Variants in UMOD observed in about 807,000 individuals in gnomAD.
The protein encoded by UMOD is Tamm-Horsfall urinary glycoprotein.
In UMOD, 64 loss-of-function variants were observed where a neutral mutation model predicts 66.0. The ratio of observed to expected loss-of-function variants is 0.97; its 90% CI spans 0.79 to 1.19. UMOD has a LOEUF of 1.19. UMOD is among the 50% of genes most tolerant of loss of function. The probability of loss-of-function intolerance (pLI) is 0.00; values close to 1 mark genes in which losing one functional copy is unlikely to be tolerated. For missense variants in UMOD, 764 were observed against 850.9 expected, an observed-to-expected ratio of 0.90 and a Z score of 1.27; for synonymous variants, 398 against 352.7, an observed-to-expected ratio of 1.13 and a Z score of -1.44.
Position 20,336,679 on chromosome 16 carries a change from G to T in UMOD, c.1789C>A (p.Arg597Ser). 1.2e-6 allele frequency: 2 copies of T among 1,614,108 alleles called. No individual in the cohort carries two copies. The highest frequency in any genetic ancestry group is 1.7e-6 in the Non-Finnish European group (2 of 1,179,990). The change falls in exon 9 of 11, where the codon CGT becomes AGT. Residue 597 changes from arginine to serine, a missense_variant. Transcript: ENST00000396138. Reference protein sequence around the residue: ...FRSGSVIDQSRVLNLGPITRK... With the variant: ...FRSGSVIDQSSVLNLGPITRK... The stretch of plus-strand genomic sequence containing the variant: ...GTGATGGGACCCAAGTTCAGGACAC[G>T]GGATTGATCTATGACACTCCCACTT...
intron 10 of UMOD, among the ~76,000 whole-genome samples, chr16:20,333,744 G>A (rs1382279454): frequency 2.0e-5 from 3 of 152,124 alleles, no homozygotes; most frequent in Admixed American, 6.6e-5. Context: ...CAGGTCAAAT[G>A]CCCGGTTAGC....
At chr16:20,354,449 A>T (rs1213575755), upstream of UMOD, among the ~76,000 whole-genome samples, 2 of 152,346 alleles carry the variant, frequency 1.3e-5, no homozygotes, top group Admixed American at 1.3e-4. Context: ...CTTTGCCAAA[A>T]GGATAAGTGG....
chr16:20,335,453 G>T (rs377414704), intron 10 of UMOD, 29 bp downstream of exon 10: 8 of 1,612,782 alleles, frequency 5.0e-6, no homozygotes, highest in Non-Finnish European at 6.8e-6. Context: ...TCTGGAACAG[G>T]TCCCACTGCA....
intron 5 of UMOD, among the ~76,000 whole-genome samples, 164 bp from the exon 6 acceptor site, chr16:20,344,336 C>T (rs776979525): frequency 6.6e-6 from 1 of 152,154 alleles, no homozygotes; most frequent in Non-Finnish European, 1.5e-5. Flanking sequence ...GGCGCATTAG[C>T]TCACGCTTGT....
At chr16:20,349,860 T>C in intron 2 of UMOD, 1 of 1,541,710 alleles carries the variant, frequency 6.5e-7, no homozygotes, top group Non-Finnish European at 8.7e-7. Context: ...TGGGCAGTTG[T>C]ACTTTGTTCC....
upstream of UMOD, among the ~76,000 whole-genome samples, chr16:20,356,024 G>A (rs1966024495): frequency 6.6e-6 from 1 of 152,164 alleles, no homozygotes; most frequent in African/African-American, 2.4e-5. Context: ...AAGGATAAGT[G>A]GTTTTAGGTA....
chr16:20,355,367 C>T (rs1440730763), upstream of UMOD, among the ~76,000 whole-genome samples: 7 of 151,596 alleles, frequency 4.6e-5, no homozygotes, highest in East Asian at 1.9e-4. Context: ...CTCAGCACTT[C>T]GCTCTTGAAA....
At chr16:20,337,954 G>A (rs56210020) in intron 7 of UMOD, among the ~76,000 whole-genome samples, 2,455 of 152,214 alleles carry the variant, frequency 0.016, 62 homozygotes, top group African/African-American at 0.057. Context: ...GGAGAAACCC[G>A]AAATAGAGCA....
intron 5 of UMOD, among the ~76,000 whole-genome samples, chr16:20,345,220 G>T (rs1277388937): frequency 6.6e-6 from 1 of 151,992 alleles, no homozygotes; most frequent in African/African-American, 2.4e-5. Flanking sequence ...CTCTGTGTTG[G>T]CCAGGCTGGT....
chr16:20,351,371 A>AT (rs1402351847), intron 1 of UMOD: 1 of 167,830 alleles, frequency 6.0e-6, no homozygotes, highest in African/African-American at 2.4e-5. Flanking sequence ...ATGCATTTAA[A>AT]TGTTTCTGGA....
chr16:20,341,104 T>C lies in UMOD; in HGVS notation c.1564A>G (p.Ile522Val), dbSNP rs552891536. ...SNATDPLKYF[I>V]IQDRCPHTRD... Reference sequence around the variant, plus strand: ...CCTTTGCCTTACCTGTCCTGGATGATGAAGTACTTCAGGGGGTCCGTGGCA... The same window carrying C: ...CCTTTGCCTTACCTGTCCTGGATGACGAAGTACTTCAGGGGGTCCGTGGCA... The change falls in exon 7 of 11, where the codon ATC becomes GTC. Residue 522 changes from isoleucine to valine, a missense_variant. Physicochemically the swap from Ile to Val is conservative, Grantham distance 29. Transcript: ENST00000396138. The C allele has an allele frequency of 3.7e-6, 6 of 1,614,066 alleles. No individual in the cohort carries two copies. The South Asian group carries it at 6.6e-5, about 18-fold the overall frequency.
rs766780246 is a variant in UMOD, at chr16:20,333,335, G to C, written c.1902C>G (p.Thr634=). 1 of 1,613,324 alleles carries C rather than the reference G, an allele frequency of 6.2e-7. No homozygotes were observed. Among genetic ancestry groups the C allele is most frequent in the Middle Eastern group, 1.7e-4 (1 of 5,872 alleles). Residue 634 remains threonine, a synonymous_variant, in exon 11 of 11, where the codon ACC becomes ACG. Transcript: ENST00000396138. ...TCAGTCACTGAAAAGTCAGGGTCAA[G>C]GTGGCCGAGAGAAGCAGAGGCAGCC... ...KVWLPLLLSA[T]LTLTFQ is the part of the protein sequence containing the mutation.
At position 20,348,238 on chromosome 16, in the gene UMOD, C is replaced by T; in HGVS notation, c.958G>A (p.Asp320Asn). Residue 320 changes from aspartate to asparagine, a missense_variant, in exon 4 of 11, where the codon GAC (aspartate) becomes AAC (asparagine). Transcript: ENST00000396138. ...NGRWHCQCKQDFNITDISLLE... is the reference protein window; with the variant it reads ...NGRWHCQCKQNFNITDISLLE... ...CTGGCCTCACCAGTGATGTTGAAGTCCTGTTTGCACTGGCAGTGCCATCTG... is the reference window on the plus strand; with the variant it reads ...CTGGCCTCACCAGTGATGTTGAAGTTCTGTTTGCACTGGCAGTGCCATCTG... 6.2e-7 allele frequency: 1 copy of T among 1,614,128 alleles called. No individual in the cohort carries two copies. Among genetic ancestry groups the T allele is most frequent in the Non-Finnish European group, 8.5e-7 (1 of 1,180,038 alleles).
At chr16:20,344,276 ACTTGTGAGCCGCTCTC>A in intron 5 of UMOD, 104 bp from the exon 6 acceptor site, 3 of 1,171,314 alleles carry the variant, frequency 2.6e-6, no homozygotes. Context: ...ATGTCTGGCT[ACTTGTGAGCCGCTCTC>A]CTAGTCTCCT....
chr16:20,350,773 G>T lies in UMOD; in HGVS notation c.-36C>A, dbSNP rs543136670. On this transcript the variant is annotated 5_prime_UTR_variant, in exon 2 of 11. Transcript: ENST00000396138. ...CTTCCCGCTACTTCAGGTCTAGATA[G>T]CACCTGCCCAAAGGAAAGACGGGTT... The T allele has an allele frequency of 3.2e-5, 52 of 1,613,918 alleles. 1 individual carries two copies. The South Asian group carries it at 5.7e-4, about 18-fold the overall frequency.
rs778664891 is a variant in UMOD, at chr16:20,344,037, G to C, written c.1318C>G (p.Gln440Glu). 1.1e-5 allele frequency: 18 copies of C among 1,613,706 alleles called. No individual in the cohort carries two copies. The highest frequency in any genetic ancestry group is 1.1e-4 in the South Asian group (10 of 91,054). The change falls in exon 6 of 11, where the codon CAG becomes GAG. Residue 440 changes from glutamine (Q) to glutamate (E), a missense_variant. Transcript: ENST00000396138. ...DMKVSLKTAL[Q>E]PMVSALNIRV... ...CTCTGGCCACACCTGACCATTGGCT[G>C]TAGGGCGGTCTTCAGGCTGACTTTC... is the stretch of plus-strand genomic sequence containing the variant.
At chr16:20,345,471 C>A (rs1965512573) in intron 5 of UMOD, among the ~76,000 whole-genome samples, 1 of 66,944 alleles carries the variant, frequency 1.5e-5, no homozygotes. Context: ...TCCTTCCTTC[C>A]TTCCTTCCTT....
intron 1 of UMOD, among the ~76,000 whole-genome samples, chr16:20,352,356 A>G (rs1240185198): frequency 2.0e-5 from 3 of 152,168 alleles, no homozygotes; most frequent in Non-Finnish European, 4.4e-5. Flanking sequence ...AACACTGCAT[A>G]TTGTCACTGG....
intron 4 of UMOD, among the ~76,000 whole-genome samples, chr16:20,347,418 A>C (rs1303583801): frequency 6.6e-6 from 1 of 152,254 alleles, no homozygotes; most frequent in Non-Finnish European, 1.5e-5. Context: ...TTTTTTAAAA[A>C]TTGAAGTATT....
Sources: allele counts gnomAD v4.1 joint callset (sites outside exome capture counted in the v4.1 genomes callset), GRCh38; gene constraint gnomAD v4.1.1; transcripts MANE v1.5; gene names NCBI Gene and HGNC (gene_info 2026-07-23, HGNC 2026-07-21).